FAM53A: variants seen among roughly 807,000 people sequenced by gnomAD.
FAM53A encodes family with sequence similarity 53 member A.
A neutral mutation model predicts 26.6 loss-of-function variants in FAM53A; 28 were observed. The ratio of observed to expected loss-of-function variants is 1.05; its 90% CI spans 0.78 to 1.45. The LOEUF (loss-of-function observed/expected upper bound fraction) is 1.45. FAM53A is among the 40% of genes most tolerant of loss of function. The pLI is 0.00. For missense variants in FAM53A, 650 were observed against 575.8 expected, an observed-to-expected ratio of 1.13 and a Z score of -1.32; for synonymous variants, 290 against 253.1, an observed-to-expected ratio of 1.15 and a Z score of -1.38.
chr4:1,619,667 G>A (rs968962343), intron 1 of FAM53A, among the ~76,000 whole-genome samples: 10 of 151,176 alleles, frequency 6.6e-5, no homozygotes, highest in Non-Finnish European at 1.0e-4. Context: ...CTCACGCACC[G>A]GGCACCGGCC....
chr4:1,582,649 A>G, the FAM53A span, among the ~76,000 whole-genome samples: 2 of 152,202 alleles, frequency 1.3e-5, no homozygotes, highest in Non-Finnish European at 2.9e-5. Context: ...TGAGCCCAGG[A>G]GTTCAAGACC....
intron 4 of FAM53A, among the ~76,000 whole-genome samples, chr4:1,651,902 C>T (rs1436557111): frequency 1.3e-5 from 2 of 151,900 alleles, no homozygotes; most frequent in East Asian, 1.9e-4. Context: ...TCCCACACAG[C>T]GGGGGTTTCT....
chr4:1,656,722 T>G (rs1231416612), intron 3 of FAM53A, among the ~76,000 whole-genome samples: 1 of 152,050 alleles, frequency 6.6e-6, no homozygotes, highest in Admixed American at 6.5e-5. Context: ...TTCCATCTAC[T>G]CATGAAAGAA....
the FAM53A span, among the ~76,000 whole-genome samples, chr4:1,591,444 G>A: frequency 5.3e-5 from 8 of 152,250 alleles, no homozygotes; most frequent in Admixed American, 2.6e-4. Flanking sequence ...GAGAGAATGC[G>A]CATGCACATG....
At chr4:1,673,621 T>G (rs767473077) in intron 1 of FAM53A, among the ~76,000 whole-genome samples, 1 of 152,170 alleles carries the variant, frequency 6.6e-6, no homozygotes, top group Non-Finnish European at 1.5e-5. Flanking sequence ...TAGTCCCAGC[T>G]ACTCAGGAGG....
At chr4:1,619,548 G>A (rs918853371) in intron 1 of FAM53A, among the ~76,000 whole-genome samples, 1 of 152,172 alleles carries the variant, frequency 6.6e-6, no homozygotes. Context: ...TCTCCCTCCC[G>A]CACCAGGTGC....
At chr4:1,673,486 C>A (rs1431371588) in intron 1 of FAM53A, among the ~76,000 whole-genome samples, 1 of 152,220 alleles carries the variant, frequency 6.6e-6, no homozygotes, top group East Asian at 1.9e-4. Context: ...GTAATCCCAG[C>A]ACCTTGGGAG....
Position 1,640,234 on chromosome 4 carries a change from G to A in FAM53A, c.*1059C>T, listed in dbSNP as rs901396561. On this transcript the variant is annotated 3_prime_UTR_variant, in exon 5 of 5. Transcript: ENST00000308132. ...TGCCCCAAAGGCCATCACTGCCACC[G>A]GTGGAAAACCAGGCGGCCACAAGCT... 18 of 176,448 alleles carry A rather than the reference G, an allele frequency of 1.0e-4. No individual in the cohort carries two copies. Among genetic ancestry groups the A allele is most frequent in the Non-Finnish European group, 1.7e-4 (15 of 85,824 alleles). 10.9% of individuals were successfully genotyped at this position (176,448 alleles called of 1,614,324 possible).
At chr4:1,647,529 G>A (rs898807527) in intron 4 of FAM53A, among the ~76,000 whole-genome samples, 1 of 152,116 alleles carries the variant, frequency 6.6e-6, no homozygotes, top group Non-Finnish European at 1.5e-5. Flanking sequence ...GATGATCGCC[G>A]AACGGTCCCA....
intron 1 of FAM53A, among the ~76,000 whole-genome samples, chr4:1,674,853 G>C (rs1325494447): frequency 1.3e-5 from 2 of 152,146 alleles, no homozygotes; most frequent in Non-Finnish European, 1.5e-5. Context: ...CAGTCACGAG[G>C]CATGATGGAC....
At chr4:1,607,765 A>T in the FAM53A span, among the ~76,000 whole-genome samples, 3 of 152,198 alleles carry the variant, frequency 2.0e-5, no homozygotes, top group East Asian at 5.8e-4. Flanking sequence ...ACATGGAGAA[A>T]CCATGTCTCT....
the FAM53A span, among the ~76,000 whole-genome samples, chr4:1,590,955 C>CATATATACATATACATATATATATAT: frequency 4.3e-5 from 2 of 46,306 alleles, no homozygotes. Flanking sequence ...TTATTTAATG[C>CATATATACATATACATATATATATAT]ATATATATAT....
the FAM53A span, among the ~76,000 whole-genome samples, chr4:1,598,495 C>T: frequency 6.6e-6 from 1 of 152,238 alleles, no homozygotes; most frequent in African/African-American, 2.4e-5. Flanking sequence ...GTAAGACAGC[C>T]ACGTTGGCAC....
At position 1,667,944 on chromosome 4, in the gene FAM53A, G is replaced by A. The variant is rs115932889; in HGVS notation, c.75+723C>T. ...TGACTGTAGGAAAATCAAGCTGCCCGCAGGAAGCTAACGTGGTGATCAAAT... is the reference window on the plus strand; with the variant it reads ...TGACTGTAGGAAAATCAAGCTGCCCACAGGAAGCTAACGTGGTGATCAAAT... On this transcript the variant is annotated intron_variant, in intron 2 of 4. Coordinates refer to ENST00000308132, the MANE Select transcript of FAM53A (RefSeq NM_001174070.3). Among the ~76,000 whole-genome samples the A allele has an allele frequency of 3.8e-3, 576 of 152,218 alleles. 2 individuals carry two copies. The highest frequency in any genetic ancestry group is 0.013 in the African/African-American group (541 of 41,542).
chr4:1,658,473 G>A (rs1713580508), intron 2 of FAM53A, among the ~76,000 whole-genome samples: 2 of 152,246 alleles, frequency 1.3e-5, no homozygotes, highest in South Asian at 4.1e-4. Context: ...GACCCAAGGG[G>A]CCCTTTCCCA....
intron 1 of FAM53A, among the ~76,000 whole-genome samples, chr4:1,620,162 G>A (rs182676453): frequency 4.6e-5 from 7 of 151,232 alleles, no homozygotes; most frequent in Admixed American, 3.9e-4. Context: ...AGCTGAGATC[G>A]TGCCACTGCA....
chr4:1,596,562 C>T, the FAM53A span, among the ~76,000 whole-genome samples: 11 of 152,294 alleles, frequency 7.2e-5, no homozygotes, highest in Admixed American at 5.9e-4. Context: ...ACTCATCTGC[C>T]CTCCATTTCC....
chr4:1,592,645 C>T, the FAM53A span, among the ~76,000 whole-genome samples: 6 of 152,168 alleles, frequency 3.9e-5, no homozygotes, highest in Non-Finnish European at 8.8e-5. Flanking sequence ...GGCCGTGACA[C>T]TGGAGAGCCT....
At chr4:1,588,523 G>A in the FAM53A span, among the ~76,000 whole-genome samples, 1 of 152,172 alleles carries the variant, frequency 6.6e-6, no homozygotes, top group Non-Finnish European at 1.5e-5. Context: ...CACCTGCTGT[G>A]TCATGAGGAC....
Sources: allele counts gnomAD v4.1 joint callset (sites outside exome capture counted in the v4.1 genomes callset), GRCh38; gene constraint gnomAD v4.1.1; transcripts MANE v1.5; gene names NCBI Gene and HGNC (gene_info 2026-07-23, HGNC 2026-07-21).